Variants in CSMD3 observed in about 807,000 individuals in gnomAD.
CSMD3 encodes the protein CUB and Sushi multiple domains 3, also known as CUB and sushi domain-containing protein 3.
A neutral mutation model predicts 435.2 loss-of-function variants in CSMD3; 177 were observed. The ratio of observed to expected loss-of-function variants is 0.41; its 90% CI spans 0.36 to 0.46. The LOEUF is 0.46. CSMD3 is among the 20% of genes least tolerant of loss of function. The probability of loss-of-function intolerance (pLI) is 0.34; values close to 1 mark genes in which losing one functional copy is unlikely to be tolerated. For missense variants in CSMD3, 4,265 were observed against 4,504.6 expected (o/e 0.95, Z 1.52); for synonymous variants, 1,656 against 1,520.5 (o/e 1.09, Z -2.07).
intron 22 of CSMD3, among the ~76,000 whole-genome samples, chr8:112,615,140 C>T (rs1833567055): frequency 6.6e-6 from 1 of 152,098 alleles, no homozygotes; most frequent in Non-Finnish European, 1.5e-5. Flanking sequence ...ATTTCGTGAA[C>T]AAATTTTGAG....
At chr8:112,769,117 C>T (rs754767351) in intron 13 of CSMD3, among the ~76,000 whole-genome samples, 4 of 151,940 alleles carry the variant, frequency 2.6e-5, no homozygotes, top group Non-Finnish European at 4.4e-5. Flanking sequence ...CCACCTTGCT[C>T]TAATATGGAA....
intron 2 of CSMD3, among the ~76,000 whole-genome samples, chr8:113,306,921 T>C (rs990562136): frequency 6.6e-6 from 1 of 152,098 alleles, no homozygotes; most frequent in Non-Finnish European, 1.5e-5. Flanking sequence ...CCATCAAGTT[T>C]GTATAATAAA....
At chr8:113,194,967 C>T (rs2092633952) in intron 3 of CSMD3, among the ~76,000 whole-genome samples, 1 of 151,086 alleles carries the variant, frequency 6.6e-6, no homozygotes, top group Non-Finnish European at 1.5e-5. Context: ...AACCTTCCTC[C>T]ATCTTCAATT....
chr8:112,723,036 A>G (rs539715761), intron 13 of CSMD3, among the ~76,000 whole-genome samples: 55 of 151,832 alleles, frequency 3.6e-4, no homozygotes, highest in Non-Finnish European at 7.5e-4. Flanking sequence ...GTTGACAAGT[A>G]GCAAAAAAAA....
intron 10 of CSMD3, among the ~76,000 whole-genome samples, chr8:112,891,724 G>A (rs979646411): frequency 6.6e-6 from 1 of 151,560 alleles, no homozygotes; most frequent in Non-Finnish European, 1.5e-5. Context: ...TGTAACAACT[G>A]TATAAAATGG....
chr8:113,105,277 GA>G (rs537977155), intron 4 of CSMD3, among the ~76,000 whole-genome samples: 251 of 152,102 alleles, frequency 1.7e-3, no homozygotes, highest in African/African-American at 5.9e-3. Context: ...CTAAGAAGGA[GA>G]GCCCTATTAT....
intron 10 of CSMD3, among the ~76,000 whole-genome samples, chr8:112,896,814 A>G (rs2130386208): frequency 6.6e-6 from 1 of 151,604 alleles, no homozygotes; most frequent in East Asian, 2.0e-4. Flanking sequence ...ATATATCCAT[A>G]GCCTCTATAA....
At chr8:113,311,289 A>C (rs2093866572) in intron 2 of CSMD3, 1 of 152,138 alleles carries the variant, frequency 6.6e-6, no homozygotes, top group Non-Finnish European at 1.5e-5. Flanking sequence ...TTTAATAAAA[A>C]ATAACTTACA....
intron 13 of CSMD3, among the ~76,000 whole-genome samples, chr8:112,709,157 A>C (rs2131909220): frequency 6.6e-6 from 1 of 152,268 alleles, no homozygotes; most frequent in South Asian, 2.1e-4. Flanking sequence ...AAAAATAAAT[A>C]ACTGCAAAAT....
intron 45 of CSMD3, among the ~76,000 whole-genome samples, chr8:112,330,825 C>T (rs1016489179): frequency 5.3e-5 from 8 of 151,822 alleles, no homozygotes; most frequent in African/African-American, 1.9e-4. Flanking sequence ...GAGATAATAC[C>T]AGCTTAGAAC....
intron 10 of CSMD3, among the ~76,000 whole-genome samples, chr8:112,875,612 C>G (rs1366319570): frequency 1.3e-5 from 2 of 152,022 alleles, no homozygotes; most frequent in Non-Finnish European, 2.9e-5. Flanking sequence ...AGGCTTTGTT[C>G]ATTCCTTTTC....
chr8:112,600,020 T>TA (rs140543199), intron 22 of CSMD3, among the ~76,000 whole-genome samples: 7,266 of 150,074 alleles, frequency 0.048, 230 homozygotes, highest in African/African-American at 0.095. Flanking sequence ...AAAGTATATA[T>TA]ATAAAAAAAA....
intron 3 of CSMD3, among the ~76,000 whole-genome samples, chr8:113,235,106 C>G (rs1263691194): frequency 1.3e-5 from 2 of 152,040 alleles, no homozygotes; most frequent in Admixed American, 6.6e-5. Context: ...TACATTTAAG[C>G]GGACTTTCAA....
intron 50 of CSMD3, 83 bp downstream of exon 50, chr8:112,310,895 A>T: frequency 8.8e-7 from 1 of 1,142,498 alleles, no homozygotes; most frequent in African/African-American, 1.5e-5. Flanking sequence ...CATTCTCAGA[A>T]AAGTTAGTGA....
chr8:112,925,341 G>A lies in CSMD3; in HGVS notation c.1509-3590C>T, dbSNP rs1380898000. Among the ~76,000 whole-genome samples the A allele has an allele frequency of 2.6e-4, 40 of 151,860 alleles. 1 individual carries two copies. Among genetic ancestry groups the A allele is most frequent in the Middle Eastern group, 3.2e-3 (1 of 316 alleles). ...TGGGAGGCCAAGGAGGGAGGATTACGAGGTCAGGAGATCGAGACCATCCTG... is the reference window on the plus strand; with the variant it reads ...TGGGAGGCCAAGGAGGGAGGATTACAAGGTCAGGAGATCGAGACCATCCTG... On this transcript the variant is annotated intron_variant, in intron 9 of 70. Transcript: ENST00000297405.
At chr8:112,252,879 T>C (rs1257525743) in intron 63 of CSMD3, among the ~76,000 whole-genome samples, 2 of 151,580 alleles carry the variant, frequency 1.3e-5, no homozygotes, top group African/African-American at 4.8e-5. Context: ...ATTTAATACC[T>C]GTTTATTACC....
intron 3 of CSMD3, among the ~76,000 whole-genome samples, chr8:113,248,050 G>C (rs889826084): frequency 2.0e-5 from 3 of 152,032 alleles, no homozygotes; most frequent in African/African-American, 7.2e-5. Flanking sequence ...CACTGCATCT[G>C]ACTCTCAAGA....
At chr8:113,033,645 A>G (rs1212033442) in intron 5 of CSMD3, among the ~76,000 whole-genome samples, 3 of 148,262 alleles carry the variant, frequency 2.0e-5, no homozygotes, top group South Asian at 2.1e-4. Context: ...GGGACTTGCC[A>G]TGTCTCAGAT....
chr8:112,238,428 A>G (rs1474485544), intron 66 of CSMD3, among the ~76,000 whole-genome samples: 3 of 152,094 alleles, frequency 2.0e-5, no homozygotes, highest in Admixed American at 2.0e-4. Flanking sequence ...GCAGATCAGC[A>G]TAAAAATACC....
Sources: gnomAD v4.1 joint callset for allele counts (sites outside exome capture counted in the v4.1 genomes callset) on GRCh38, gnomAD v4.1.1 for gene constraint, MANE v1.5 for transcripts, NCBI Gene and HGNC (gene_info 2026-07-23, HGNC 2026-07-21) for gene names.